GRM1: variants seen among roughly 807,000 people sequenced by gnomAD.
GRM1 encodes the protein metabotropic glutamate receptor 1.
A neutral mutation model predicts 90.9 loss-of-function variants in GRM1; 33 were observed. That is an observed-to-expected ratio of 0.36 (90% CI 0.28 to 0.49). The LOEUF is 0.49. Ranked by LOEUF, GRM1 falls within the 20% of genes least tolerant of loss-of-function variation. The pLI is 0.99. For missense variants in GRM1, 1,190 were observed against 1,534.3 expected (o/e 0.78, Z 3.75); for synonymous variants, 700 against 613.2 (o/e 1.14, Z -2.09).
rs1554268353 is a variant in GRM1 at position 146,115,247 on chromosome 6, C to CACACAT, written c.701-44100_701-44099insCACATA. 1.3e-4 allele frequency among the ~76,000 whole-genome samples: 17 copies of CACACAT among 132,938 alleles called. No individual in the cohort carries two copies. In the East Asian group the frequency reaches 3.6e-3, roughly 28 times the overall value. The allele number at this position is 132,938 out of a possible 152,430, so 87.2% of individuals were successfully genotyped here. ...ACACACACACACACACACACACACA[C>CACACAT]ATATATATACATATACTATACATGT... On this transcript the variant is annotated intron_variant, in intron 1 of 7. Transcript: ENST00000282753.
intron 1 of GRM1, 53 bp downstream of exon 1, chr6:146,030,270 G>A (rs1790658613): frequency 2.6e-6 from 3 of 1,171,914 alleles, no homozygotes; most frequent in Admixed American, 3.4e-5. Flanking sequence ...GGCAATGCAT[G>A]ATGTGCTCCT....
intron 7 of GRM1, among the ~76,000 whole-genome samples, chr6:146,426,831 G>T (rs1325722786): frequency 6.6e-6 from 1 of 151,946 alleles, no homozygotes; most frequent in African/African-American, 2.4e-5. Context: ...CTGTCAAGTT[G>T]TTCATTTAGG....
chr6:146,249,294 A>T (rs1781187320), intron 2 of GRM1, among the ~76,000 whole-genome samples: 1 of 152,158 alleles, frequency 6.6e-6, no homozygotes, highest in South Asian at 2.1e-4. Flanking sequence ...ACAGACCTTC[A>T]CATCAGCCTC....
chr6:146,381,669 A>G (rs952529844), intron 5 of GRM1, among the ~76,000 whole-genome samples: 1 of 152,142 alleles, frequency 6.6e-6, no homozygotes, highest in Admixed American at 6.6e-5. Flanking sequence ...AGAATTCTCT[A>G]TTCCGCCATC....
chr6:146,186,504 T>A (rs1778736619), intron 2 of GRM1, among the ~76,000 whole-genome samples: 1 of 152,182 alleles, frequency 6.6e-6, no homozygotes, highest in South Asian at 2.1e-4. Context: ...AATAGCTACC[T>A]ACACAACACA....
At chr6:146,086,355 A>G (rs992219240) in intron 1 of GRM1, among the ~76,000 whole-genome samples, 9 of 152,236 alleles carry the variant, frequency 5.9e-5, no homozygotes, top group Admixed American at 3.9e-4. Context: ...CATGTTTACA[A>G]TATAAGCTAC....
intron 7 of GRM1, among the ~76,000 whole-genome samples, chr6:146,428,851 A>G (rs1778307136): frequency 6.6e-6 from 1 of 152,206 alleles, no homozygotes; most frequent in African/African-American, 2.4e-5. Context: ...TCTATTCTTT[A>G]ATATGAAATA....
intron 5 of GRM1, among the ~76,000 whole-genome samples, chr6:146,362,218 G>T (rs1583387407): frequency 1.3e-5 from 2 of 152,278 alleles, no homozygotes; most frequent in East Asian, 3.9e-4. Flanking sequence ...AGCCAATCAT[G>T]ACAGAATTCT....
chr6:146,102,488 C>T (rs1172212309), intron 1 of GRM1, among the ~76,000 whole-genome samples: 2 of 152,170 alleles, frequency 1.3e-5, no homozygotes, highest in Admixed American at 1.3e-4. Flanking sequence ...TATCCATTTG[C>T]TCATTCCAGA....
intron 2 of GRM1, among the ~76,000 whole-genome samples, chr6:146,270,847 CTTTT>C (rs1247004860): frequency 9.3e-5 from 12 of 128,346 alleles, no homozygotes; most frequent in African/African-American, 3.5e-4. Context: ...GCCTTTCTTT[CTTTT>C]TCTTTCTTTC....
intron 1 of GRM1, among the ~76,000 whole-genome samples, chr6:146,107,782 A>C (rs774797154): frequency 2.6e-5 from 4 of 152,182 alleles, no homozygotes; most frequent in Admixed American, 6.5e-5. Flanking sequence ...TTTCCTAAAA[A>C]GACTTGGGAT....
At chr6:146,198,230 T>C (rs183237775) in intron 2 of GRM1, among the ~76,000 whole-genome samples, 16 of 152,328 alleles carry the variant, frequency 1.1e-4, no homozygotes, top group Admixed American at 9.8e-4. Flanking sequence ...ACATCCAGCA[T>C]AGCAGCTGAG....
At position 146,110,507 on chromosome 6, in the gene GRM1, C is replaced by G. The variant is rs1266791130; in HGVS notation, c.701-48841C>G. On this transcript the variant is annotated intron_variant, in intron 1 of 7. Coordinates refer to ENST00000282753, the MANE Select transcript of GRM1 (RefSeq NM_001278064.2). The stretch of plus-strand genomic sequence containing the variant: ...GTACATTGCCCAGTCTCAGATATAT[C>G]TTTATCAGCAGCACGAAAATGTACT... 2.0e-5 allele frequency among the ~76,000 whole-genome samples: 3 copies of G among 152,138 alleles called. No individual in the cohort carries two copies. The East Asian group carries it at 5.8e-4, about 29-fold the overall frequency.
intron 1 of GRM1, among the ~76,000 whole-genome samples, chr6:146,102,783 CT>C (rs1228343735): frequency 1.3e-5 from 2 of 152,132 alleles, no homozygotes; most frequent in Non-Finnish European, 1.5e-5. Context: ...TACTCACTTA[CT>C]GATTTTTTTC....
At chr6:146,336,817 T>G (rs1583345510) in intron 3 of GRM1, among the ~76,000 whole-genome samples, 1 of 152,230 alleles carries the variant, frequency 6.6e-6, no homozygotes, top group Non-Finnish European at 1.5e-5. Flanking sequence ...CCTGAGTCCC[T>G]GTCTTGGTAG....
rs540204857 is a variant in GRM1 at position 146,430,027 on chromosome 6, C to A, written c.2661-3845C>A. On this transcript the variant is annotated intron_variant, in intron 7 of 7. Coordinates refer to ENST00000282753, the MANE Select transcript of GRM1 (RefSeq NM_001278064.2). ...CCTCCTGATGATCTCAAACACCCACCCACTGTTATTCCCATTTTAAACCTC... is the reference window on the plus strand; with the variant it reads ...CCTCCTGATGATCTCAAACACCCACACACTGTTATTCCCATTTTAAACCTC... Among the ~76,000 whole-genome samples, 7 of 152,212 alleles carry A rather than the reference C, an allele frequency of 4.6e-5. No homozygotes were observed. The South Asian group carries it at 1.2e-3, about 27-fold the overall frequency.
intron 1 of GRM1, among the ~76,000 whole-genome samples, chr6:146,030,454 C>G (rs1790665182): frequency 6.6e-6 from 1 of 152,228 alleles, no homozygotes; most frequent in Non-Finnish European, 1.5e-5. Context: ...GGGTATCAAA[C>G]TTTCCATGCA....
chr6:146,142,260 G>T (rs1020268567), intron 1 of GRM1, among the ~76,000 whole-genome samples: 16 of 152,168 alleles, frequency 1.1e-4, no homozygotes, highest in African/African-American at 3.9e-4. Flanking sequence ...AACAAATAGA[G>T]TCTTTCTTTC....
chr6:146,334,214 A>T (rs889751979), intron 3 of GRM1, among the ~76,000 whole-genome samples: 2 of 152,214 alleles, frequency 1.3e-5, no homozygotes, highest in South Asian at 4.1e-4. Flanking sequence ...GGAGATGTGC[A>T]GTCCAGGCAG....
Sources: allele counts gnomAD v4.1 joint callset (sites outside exome capture counted in the v4.1 genomes callset), GRCh38; gene constraint gnomAD v4.1.1; transcripts MANE v1.5; gene names NCBI Gene and HGNC (gene_info 2026-07-23, HGNC 2026-07-21).